The following GPHN variants were observed in gnomAD, a reference collection of about 807,000 sequenced individuals.
GPHN encodes gephyrin.
GPHN carries 17 observed loss-of-function variants against 95.5 expected under a neutral mutation model. That is an observed-to-expected ratio of 0.18 (90% CI 0.12 to 0.27). The LOEUF is 0.27. GPHN is among the 10% of genes least tolerant of loss of function. GPHN has a pLI of 1.00. For missense variants in GPHN, 660 were observed against 978.1 expected (o/e 0.67, Z 4.34); for synonymous variants, 320 against 322.5 (o/e 0.99, Z 0.08).
At chr14:67,389,858 G>A in the GPHN span, among the ~76,000 whole-genome samples, 16 of 151,548 alleles carry the variant, frequency 1.1e-4, no homozygotes, top group Non-Finnish European at 1.3e-4. Context: ...AAAGGAAGGA[G>A]TTTGAACTCC....
intron 2 of GPHN, among the ~76,000 whole-genome samples, chr14:66,755,028 CTG>C (rs1595794341): frequency 1.3e-5 from 2 of 151,936 alleles, no homozygotes; most frequent in Admixed American, 1.3e-4. Context: ...AAATATATGA[CTG>C]TTAATTTTGT....
the GPHN span, chr14:67,473,315 G>T: frequency 1.3e-6 from 2 of 1,481,644 alleles, no homozygotes; most frequent in Non-Finnish European, 1.8e-6. The surrounding 1 kb of genome is among the most constrained non-coding windows in gnomAD (Gnocchi z 6.5). Context: ...GCTGAGGCTT[G>T]GCCGGAGCAG....
chr14:66,509,861 T>G, intron 1 of GPHN, among the ~76,000 whole-genome samples: 1 of 152,178 alleles, frequency 6.6e-6, no homozygotes, highest in East Asian at 1.9e-4. Flanking sequence ...AAAAAATGTC[T>G]GAGACTGCCG....
the GPHN span, among the ~76,000 whole-genome samples, chr14:67,255,792 A>G: frequency 6.6e-6 from 1 of 152,128 alleles, no homozygotes; most frequent in Non-Finnish European, 1.5e-5. Flanking sequence ...GGTTCAAACA[A>G]TTCTTCTGCC....
the GPHN span, among the ~76,000 whole-genome samples, chr14:67,674,012 C>T: frequency 1.3e-5 from 2 of 152,216 alleles, no homozygotes; most frequent in Non-Finnish European, 2.9e-5. Flanking sequence ...CTGGTGAAAA[C>T]TAGACCTGTC....
chr14:67,408,518 T>C, the GPHN span, among the ~76,000 whole-genome samples: 1 of 152,150 alleles, frequency 6.6e-6, no homozygotes, highest in East Asian at 1.9e-4. Context: ...CACCCTAGAC[T>C]AGAATGGGCA....
chr14:67,454,882 T>C, the GPHN span, among the ~76,000 whole-genome samples: 1 of 151,972 alleles, frequency 6.6e-6, no homozygotes, highest in African/African-American at 2.4e-5. Context: ...TTTTTTTTTT[T>C]TTCTTTTTTG....
intron 16 of GPHN, among the ~76,000 whole-genome samples, chr14:67,119,725 G>C (rs901910566): frequency 6.6e-6 from 1 of 152,202 alleles, no homozygotes; most frequent in Non-Finnish European, 1.5e-5. Flanking sequence ...ACGAGGCAGA[G>C]GTTGCAGTGA....
At chr14:66,696,182 G>T (rs889445284) in intron 2 of GPHN, among the ~76,000 whole-genome samples, 6 of 152,082 alleles carry the variant, frequency 3.9e-5, no homozygotes, top group Admixed American at 6.6e-5. Flanking sequence ...TTCCTTTAAA[G>T]AAGTTTATGC....
the GPHN span, among the ~76,000 whole-genome samples, chr14:67,206,698 T>C: frequency 3.3e-5 from 5 of 152,098 alleles, no homozygotes; most frequent in Admixed American, 2.0e-4. Context: ...TAGTTGTTTC[T>C]GGGCAGTGGC....
chr14:66,862,310 A>C (rs2063056231), intron 4 of GPHN, among the ~76,000 whole-genome samples: 1 of 152,102 alleles, frequency 6.6e-6, no homozygotes, highest in Non-Finnish European at 1.5e-5. Flanking sequence ...AAACCTGAAC[A>C]GAGCAATAAC....
At chr14:67,381,520 C>A in the GPHN span, 1 of 1,146,188 alleles carries the variant, frequency 8.7e-7, no homozygotes, top group Non-Finnish European at 1.3e-6. Context: ...ATATCTGCCA[C>A]GTGTTTGATT....
intron 1 of GPHN, among the ~76,000 whole-genome samples, chr14:66,547,185 T>G (rs2059636274): frequency 6.6e-6 from 1 of 152,198 alleles, no homozygotes; most frequent in South Asian, 2.1e-4. Flanking sequence ...CTTAGCTTTT[T>G]GTAGATGGGT....
rs2083302001 is a variant in GPHN at position 67,181,031 on chromosome 14, A to T, written c.*94A>T. ...GGCACAGCTAGTTTTCCCGATTTGG[A>T]TAAAAGTTGATCTGTATAGTCAACA... On this transcript the variant is annotated 3_prime_UTR_variant, in exon 23 of 23. Transcript: ENST00000478722. 3.3e-6 allele frequency: 4 copies of T among 1,199,022 alleles called. No individual in the cohort carries two copies. In the Admixed American group the frequency reaches 7.1e-5, roughly 21 times the overall value. The allele number at this position is 1,199,022 out of a possible 1,614,324, so 74.3% of individuals were successfully genotyped here. A position where few individuals can be genotyped will look rare whatever the true frequency, so the allele number is the denominator to read the frequency against.
chr14:67,557,500 C>CAGG, the GPHN span: 1 of 1,372,376 alleles, frequency 7.3e-7, no homozygotes, highest in Non-Finnish European at 1.0e-6. Flanking sequence ...CTGTTCCGCT[C>CAGG]AAGCCCTCTA....
chr14:66,971,347 A>T (rs894336864), intron 9 of GPHN, among the ~76,000 whole-genome samples: 2 of 152,232 alleles, frequency 1.3e-5, no homozygotes, highest in African/African-American at 4.8e-5. Context: ...TAAAAATAGT[A>T]AAGCCTTTAC....
chr14:67,335,460 G>GAAGT, the GPHN span: 1 of 152,484 alleles, frequency 6.6e-6, no homozygotes, highest in Non-Finnish European at 1.5e-5. Flanking sequence ...TCCAAATAAG[G>GAAGT]AAGTTTTAGG....
chr14:67,180,653 G>A, intron 22 of GPHN, 151 bp from the exon 23 acceptor site: 1 of 706,246 alleles, frequency 1.4e-6, no homozygotes, highest in South Asian at 1.6e-5. Context: ...TAATAGCATG[G>A]CCACCTGAAA....
At chr14:66,598,605 G>T (rs1566678203) in intron 1 of GPHN, among the ~76,000 whole-genome samples, 1 of 152,132 alleles carries the variant, frequency 6.6e-6, no homozygotes, top group African/African-American at 2.4e-5. Context: ...CCAGCACTTT[G>T]GGAGGCCAAC....
Sources: allele counts gnomAD v4.1 joint callset (sites outside exome capture counted in the v4.1 genomes callset), GRCh38; gene constraint gnomAD v4.1.1; non-coding constraint Gnocchi (gnomAD v3.1); transcripts MANE v1.5; gene names NCBI Gene and HGNC (gene_info 2026-07-23, HGNC 2026-07-21).